The following CTNNA3 variants were observed in gnomAD, a reference collection of about 807,000 sequenced individuals.
The protein encoded by CTNNA3 is catenin alpha 3, also known as catenin alpha-3.
Under a neutral mutation model 95.7 loss-of-function variants are expected in CTNNA3, and 76 were observed. That is an observed-to-expected ratio of 0.79 (90% CI 0.66 to 0.96). The LOEUF (loss-of-function observed/expected upper bound fraction) is 0.96. CTNNA3 is among the 40% of genes least tolerant of loss of function. The pLI is 0.00. For missense variants in CTNNA3, 1,191 were observed against 1,089.8 expected (o/e 1.09, Z -1.31); for synonymous variants, 431 against 374.4 (o/e 1.15, Z -1.74).
intron 3 of CTNNA3, among the ~76,000 whole-genome samples, chr10:67,559,552 G>A (rs1469079723): frequency 6.6e-6 from 1 of 152,154 alleles, no homozygotes; most frequent in Non-Finnish European, 1.5e-5. Context: ...AAACAGAGCA[G>A]AAAAACTGGA....
intron 7 of CTNNA3, among the ~76,000 whole-genome samples, chr10:66,948,355 G>A (rs1188225832): frequency 6.6e-6 from 1 of 152,168 alleles, no homozygotes; most frequent in Non-Finnish European, 1.5e-5. Context: ...AAAATGGACA[G>A]AATGGGGAGA....
chr10:66,595,142 C>T (rs563163363), intron 10 of CTNNA3, among the ~76,000 whole-genome samples: 4 of 151,906 alleles, frequency 2.6e-5, no homozygotes, highest in South Asian at 4.2e-4. Flanking sequence ...TTCCACTGTT[C>T]CAGCATCACA....
intron 14 of CTNNA3, among the ~76,000 whole-genome samples, chr10:66,079,499 A>T (rs1440592570): frequency 2.0e-5 from 3 of 151,978 alleles, no homozygotes; most frequent in African/African-American, 7.2e-5. Context: ...TTTTGCATGA[A>T]TATAATTTTA....
At chr10:67,386,884 T>C (rs1414123958) in intron 5 of CTNNA3, among the ~76,000 whole-genome samples, 1 of 152,218 alleles carries the variant, frequency 6.6e-6, no homozygotes, top group African/African-American at 2.4e-5. Flanking sequence ...CACAAGTTCC[T>C]TTTTGGTTAA....
At chr10:66,773,489 G>A (rs980580661) in intron 8 of CTNNA3, among the ~76,000 whole-genome samples, 6 of 152,140 alleles carry the variant, frequency 3.9e-5, no homozygotes, top group African/African-American at 1.4e-4. Flanking sequence ...GCACCGTATC[G>A]AGAGAGGGAA....
At chr10:66,425,973 T>C (rs949519900) in intron 11 of CTNNA3, among the ~76,000 whole-genome samples, 3 of 152,122 alleles carry the variant, frequency 2.0e-5, no homozygotes, top group African/African-American at 7.2e-5. Flanking sequence ...TTTTGTACTT[T>C]ATATCACTTA....
intron 7 of CTNNA3, among the ~76,000 whole-genome samples, chr10:66,789,306 C>A (rs1840876960): frequency 6.6e-6 from 1 of 152,010 alleles, no homozygotes; most frequent in Non-Finnish European, 1.5e-5. Context: ...TCCCGAGTAG[C>A]TGGGATTACA....
chr10:66,137,232 C>T (rs756726480), intron 13 of CTNNA3, among the ~76,000 whole-genome samples: 6 of 152,000 alleles, frequency 3.9e-5, no homozygotes, highest in African/African-American at 4.8e-5. Context: ...TCCTGTGCAA[C>T]GCAATGAGGA....
chr10:65,947,149 T>C (rs1238915119), intron 17 of CTNNA3, among the ~76,000 whole-genome samples: 2 of 151,408 alleles, frequency 1.3e-5, no homozygotes, highest in Non-Finnish European at 2.9e-5. Flanking sequence ...AAACAAACTC[T>C]AATCTTGGTA....
chr10:66,680,635 C>G (rs980952759), intron 9 of CTNNA3, among the ~76,000 whole-genome samples: 1 of 152,122 alleles, frequency 6.6e-6, no homozygotes, highest in Non-Finnish European at 1.5e-5. Flanking sequence ...ATGTCCACAA[C>G]TTTCTTCAAG....
intron 13 of CTNNA3, among the ~76,000 whole-genome samples, chr10:66,126,906 A>G (rs753069164): frequency 6.6e-6 from 1 of 152,144 alleles, no homozygotes; most frequent in Non-Finnish European, 1.5e-5. Flanking sequence ...GCCCTCAAGG[A>G]GCGGAAAATA....
At chr10:66,522,531 C>T (rs969566628) in intron 10 of CTNNA3, among the ~76,000 whole-genome samples, 1 of 151,900 alleles carries the variant, frequency 6.6e-6, no homozygotes, top group Non-Finnish European at 1.5e-5. Context: ...TTTTGCTCAG[C>T]ACTTCTCTTT....
intron 10 of CTNNA3, among the ~76,000 whole-genome samples, chr10:66,584,446 C>T (rs377663426): frequency 2.0e-5 from 3 of 151,526 alleles, no homozygotes; most frequent in Admixed American, 6.6e-5. Context: ...CTTCTTTGTC[C>T]TTTTTTAATA....
At chr10:67,447,720 C>T (rs995372388) in intron 5 of CTNNA3, among the ~76,000 whole-genome samples, 2 of 152,130 alleles carry the variant, frequency 1.3e-5, no homozygotes, top group East Asian at 1.9e-4. Flanking sequence ...TTTATTCATC[C>T]TCATAGCTCT....
intron 11 of CTNNA3, among the ~76,000 whole-genome samples, chr10:66,469,505 A>C (rs1839050268): frequency 6.6e-6 from 1 of 151,624 alleles, no homozygotes; most frequent in Admixed American, 6.6e-5. Flanking sequence ...TTTGCAAACT[A>C]TGTTAAATGT....
intron 7 of CTNNA3, among the ~76,000 whole-genome samples, chr10:66,973,894 T>C (rs1373914368): frequency 6.6e-6 from 1 of 152,164 alleles, no homozygotes; most frequent in Non-Finnish European, 1.5e-5. Context: ...AGTGCTGGGA[T>C]TACAGGCGTG....
chr10:66,940,616 C>A (rs1042282487), intron 7 of CTNNA3, among the ~76,000 whole-genome samples: 1 of 152,162 alleles, frequency 6.6e-6, no homozygotes, highest in South Asian at 2.1e-4. Flanking sequence ...ATGAAACCCA[C>A]AAATTATATT....
At chr10:66,530,028 T>A (rs1314096675) in intron 10 of CTNNA3, among the ~76,000 whole-genome samples, 3 of 152,196 alleles carry the variant, frequency 2.0e-5, no homozygotes, top group Non-Finnish European at 4.4e-5. Context: ...CTGATGTATA[T>A]ACTTCTCTTG....
At chr10:67,662,196 A>G (rs940853570) in intron 1 of CTNNA3, among the ~76,000 whole-genome samples, 13 of 152,174 alleles carry the variant, frequency 8.5e-5, no homozygotes, top group South Asian at 6.2e-4. Flanking sequence ...AACCCTATAT[A>G]TACTATGCTT....
Sources: gnomAD v4.1 joint callset for allele counts (sites outside exome capture counted in the v4.1 genomes callset) on GRCh38, gnomAD v4.1.1 for gene constraint, MANE v1.5 for transcripts, NCBI Gene and HGNC (gene_info 2026-07-23, HGNC 2026-07-21) for gene names.